Variants in ACTR3 observed in about 807,000 individuals in gnomAD.
The protein encoded by ACTR3 is actin related protein 3.
ACTR3 carries 12 observed loss-of-function variants against 56.8 expected under a neutral mutation model. The ratio of observed to expected loss-of-function variants is 0.21; its 90% CI spans 0.14 to 0.34. ACTR3 has a LOEUF of 0.34. Ranked by LOEUF, ACTR3 falls within the 10% of genes least tolerant of loss-of-function variation. The probability of loss-of-function intolerance (pLI) is 1.00; values close to 1 mark genes in which losing one functional copy is unlikely to be tolerated. For synonymous variants in ACTR3, 162 were observed against 167.4 expected, an observed-to-expected ratio of 0.97 and a Z score of 0.25; for missense variants, 282 against 512.5, an observed-to-expected ratio of 0.55 and a Z score of 4.34.
chr2:113,918,478 A>G (rs1407148950), intron 3 of ACTR3, among the ~76,000 whole-genome samples: 2 of 150,558 alleles, frequency 1.3e-5, no homozygotes, highest in East Asian at 1.9e-4. Context: ...TGAATATCCC[A>G]GGCTCAAGTG....
chr2:113,908,474 T>A (rs548802762), intron 1 of ACTR3, among the ~76,000 whole-genome samples: 2 of 151,648 alleles, frequency 1.3e-5, no homozygotes, highest in Non-Finnish European at 2.9e-5. Context: ...AAATTTAATA[T>A]TTAATATACT....
intron 6 of ACTR3, among the ~76,000 whole-genome samples, chr2:113,937,347 C>T (rs1679847583): frequency 5.3e-5 from 8 of 152,186 alleles, no homozygotes; most frequent in Admixed American, 5.2e-4. Context: ...CTCAAGTGAT[C>T]CACCTGCCTT....
intron 2 of ACTR3, among the ~76,000 whole-genome samples, chr2:113,914,975 CATTT>C (rs1679376326): frequency 6.6e-6 from 1 of 152,296 alleles, no homozygotes; most frequent in East Asian, 1.9e-4. Flanking sequence ...GTTTTTCTCA[CATTT>C]ATATGTCAAT....
rs538605384 is a variant in ACTR3, at chr2:113,937,350, C to T, written c.541-2609C>T. Among the ~76,000 whole-genome samples the T allele has an allele frequency of 1.2e-4, 18 of 152,322 alleles. No individual in the cohort carries two copies. The East Asian group carries it at 3.5e-3, about 29-fold the overall frequency. On this transcript the variant is annotated intron_variant, in intron 6 of 11. Coordinates refer to ENST00000263238, the MANE Select transcript of ACTR3 (RefSeq NM_005721.5). Reference sequence around the variant, plus strand: ...TGAACTCCTGCCCTCAAGTGATCCACCTGCCTTGGCCTCCCAAAGTCCTGG... The same window carrying T: ...TGAACTCCTGCCCTCAAGTGATCCATCTGCCTTGGCCTCCCAAAGTCCTGG...
chr2:113,902,067 A>G (rs2104583932), intron 1 of ACTR3, among the ~76,000 whole-genome samples: 1 of 152,342 alleles, frequency 6.6e-6, no homozygotes, highest in East Asian at 1.9e-4. Flanking sequence ...ACCCGTGAAC[A>G]TTTAATTATA....
rs1249270196 is a variant in ACTR3 at position 113,959,415 on chromosome 2, G to A, written c.*1960G>A. The A allele has an allele frequency of 6.6e-6, 1 of 151,998 alleles. No homozygotes were observed. The highest frequency in any genetic ancestry group is 2.4e-5 in the African/African-American group (1 of 41,408). The allele number at this position is 151,998 out of a possible 1,614,324, so 9.4% of individuals were successfully genotyped here. On this transcript the variant is annotated 3_prime_UTR_variant, in exon 12 of 12. Coordinates refer to ENST00000263238, the MANE Select transcript of ACTR3 (RefSeq NM_005721.5). ...AAATATGTCTTTTCCACCGGCGATG[G>A]TTGGGTAGTTAAGTGAATAAGCTAG...
rs1679169196 is a variant in ACTR3, at chr2:113,905,081, G to A, written c.45-8091G>A. Reference sequence around the variant, plus strand: ...GTTGAAATAACCTTTTATAGTGTATGGGTTTTAAGTTATAGTTAGAAAGTC... The same window carrying A: ...GTTGAAATAACCTTTTATAGTGTATAGGTTTTAAGTTATAGTTAGAAAGTC... On this transcript the variant is annotated intron_variant, in intron 1 of 11. Transcript: ENST00000263238. 2.6e-5 allele frequency: 4 copies of A among 152,056 alleles called. No homozygotes were observed. In the South Asian group the frequency reaches 8.3e-4, roughly 32 times the overall value. 9.4% of individuals were successfully genotyped at this position (152,056 alleles called of 1,614,324 possible).
Position 113,940,099 on chromosome 2 carries a change from A to G in ACTR3, c.681A>G (p.Val227=), listed in dbSNP as rs1221846834. ...AATCCTTGGAAACTGCTAAGGCAGT[A>G]AAGGTAAAAAGTGTGATAGGAGTGT... is the stretch of plus-strand genomic sequence containing the variant. The part of the protein sequence containing the change: ...PEQSLETAKA[V]KERYSYVCPD... The change falls in exon 7 of 12, where the codon GTA becomes GTG. Residue 227 remains valine, a synonymous_variant. Transcript: ENST00000263238. 1 of 1,611,012 alleles carries G rather than the reference A, an allele frequency of 6.2e-7. No homozygotes were observed. Among genetic ancestry groups the G allele is most frequent in the Non-Finnish European group, 8.5e-7 (1 of 1,179,074 alleles).
intron 3 of ACTR3, among the ~76,000 whole-genome samples, chr2:113,926,621 A>G (rs1209872178): frequency 3.3e-5 from 5 of 152,328 alleles, no homozygotes; most frequent in South Asian, 2.1e-4. Context: ...AATACAAGGG[A>G]CAACTTCACT....
At chr2:113,953,574 A>G (rs1488747295) in intron 10 of ACTR3, 1 of 152,136 alleles carries the variant, frequency 6.6e-6, no homozygotes, top group South Asian at 2.1e-4. Flanking sequence ...TCTTAATAGC[A>G]TGCCTTTATC....
chr2:113,909,336 A>G (rs1315698892), intron 1 of ACTR3, among the ~76,000 whole-genome samples: 2 of 152,198 alleles, frequency 1.3e-5, no homozygotes, highest in Admixed American at 6.5e-5. Flanking sequence ...ATTGATGAAT[A>G]TACTCAGCCT....
At chr2:113,955,580 T>C in intron 10 of ACTR3, 43 bp from the exon 11 acceptor site, 1 of 1,405,592 alleles carries the variant, frequency 7.1e-7, no homozygotes, top group African/African-American at 1.4e-5. Context: ...GAAGTTGTTA[T>C]TTGAATTTAC....
At chr2:113,941,553 T>A (rs901895464) in intron 7 of ACTR3, among the ~76,000 whole-genome samples, 7 of 152,112 alleles carry the variant, frequency 4.6e-5, no homozygotes, top group Non-Finnish European at 7.4e-5. Context: ...GAAGTTTTTT[T>A]AAAAAAATAA....
intron 1 of ACTR3, among the ~76,000 whole-genome samples, chr2:113,892,108 C>G (rs553649736): frequency 6.6e-6 from 1 of 152,162 alleles, no homozygotes; most frequent in Non-Finnish European, 1.5e-5. Context: ...GGTAACATCT[C>G]AAGTAGTATG....
chr2:113,913,281 A>G, intron 2 of ACTR3, 54 bp downstream of exon 2: 4 of 1,295,178 alleles, frequency 3.1e-6, no homozygotes, highest in Non-Finnish European at 4.3e-6. Flanking sequence ...CCCCTTCCCT[A>G]ATAATTTAAG....
intron 8 of ACTR3, 26 bp downstream of exon 8, chr2:113,942,385 A>G (rs1373570266): frequency 1.6e-5 from 24 of 1,491,442 alleles, no homozygotes; most frequent in Non-Finnish European, 2.1e-5. Flanking sequence ...GGAATTGTTT[A>G]AAAGTATTCA....
chr2:113,939,324 A>G (rs773827300), intron 6 of ACTR3, among the ~76,000 whole-genome samples: 1 of 152,098 alleles, frequency 6.6e-6, no homozygotes, highest in Non-Finnish European at 1.5e-5. Flanking sequence ...GCCCGGCCGA[A>G]AACCTTTATT....
At chr2:113,951,897 G>T (rs748383732) in intron 10 of ACTR3, 52 bp downstream of exon 10, 1 of 1,597,910 alleles carries the variant, frequency 6.3e-7, no homozygotes, top group Non-Finnish European at 8.6e-7. Context: ...TCCTTGATTA[G>T]GATGAGAAAT....
rs1680308174 is a variant in ACTR3, at chr2:113,960,581, T to G, written c.*3126T>G. The G allele has an allele frequency of 6.6e-6, 1 of 152,052 alleles. No homozygotes were observed. Among genetic ancestry groups the G allele is most frequent in the South Asian group, 2.1e-4 (1 of 4,832 alleles). The allele number at this position is 152,052 out of a possible 1,614,324, so 9.4% of individuals were successfully genotyped here. On this transcript the variant is annotated 3_prime_UTR_variant, in exon 12 of 12. Coordinates refer to ENST00000263238, the MANE Select transcript of ACTR3 (RefSeq NM_005721.5). Reference sequence around the variant, plus strand: ...ATTATTGAGAAGATTATTTGTGTTATAAAGCTTATTTGTACCATAGTAAAG... The same window carrying G: ...ATTATTGAGAAGATTATTTGTGTTAGAAAGCTTATTTGTACCATAGTAAAG...
Sources: allele counts gnomAD v4.1 joint callset (sites outside exome capture counted in the v4.1 genomes callset), GRCh38; gene constraint gnomAD v4.1.1; transcripts MANE v1.5; gene names NCBI Gene and HGNC (gene_info 2026-07-23, HGNC 2026-07-21).